SPHKAP: variants seen among roughly 807,000 people sequenced by gnomAD.
SPHKAP encodes the protein A-kinase anchor protein SPHKAP.
In SPHKAP, 67 loss-of-function variants were observed where a neutral mutation model predicts 137.5. That is an observed-to-expected ratio of 0.49 (90% confidence interval 0.40 to 0.60). SPHKAP has a LOEUF of 0.60. Ranked by LOEUF, SPHKAP falls within the 20% of genes least tolerant of loss-of-function variation. The pLI, the probability that SPHKAP is intolerant of heterozygous loss-of-function variation, is 0.00. For missense variants in SPHKAP, 2,097 were observed against 2,069.3 expected (o/e 1.01, Z -0.26); for synonymous variants, 813 against 785.3 (o/e 1.04, Z -0.59).
intron 2 of SPHKAP, among the ~76,000 whole-genome samples, chr2:228,122,719 C>T (rs1698951851): frequency 6.6e-6 from 1 of 152,122 alleles, no homozygotes; most frequent in African/African-American, 2.4e-5. Context: ...GAAAATGAGC[C>T]CTTAATCAAA....
chr2:228,082,475 T>C (rs761495078), intron 3 of SPHKAP, among the ~76,000 whole-genome samples: 1 of 152,190 alleles, frequency 6.6e-6, no homozygotes, highest in South Asian at 2.1e-4. Context: ...TAACAGGTGA[T>C]AAGTGGGCAG....
chr2:228,152,538 G>T (rs777981598), intron 1 of SPHKAP, among the ~76,000 whole-genome samples: 4 of 151,640 alleles, frequency 2.6e-5, no homozygotes. Context: ...TTAAAAATCC[G>T]GTTGATAATC....
chr2:228,109,458 A>G (rs984558412), intron 2 of SPHKAP: 1 of 783,004 alleles, frequency 1.3e-6, no homozygotes, highest in Non-Finnish European at 1.5e-6. Context: ...GTTAGAAATA[A>G]CTTATAAACA....
chr2:228,024,937 T>C (rs776826914), intron 5 of SPHKAP, among the ~76,000 whole-genome samples: 4 of 152,300 alleles, frequency 2.6e-5, no homozygotes, highest in African/African-American at 9.6e-5. Flanking sequence ...CAAGACACTC[T>C]CTTTCCATCC....
At chr2:228,078,380 CTTTTTTTTT>C (rs11322966) in intron 3 of SPHKAP, among the ~76,000 whole-genome samples, 1 of 128,198 alleles carries the variant, frequency 7.8e-6, no homozygotes, top group African/African-American at 2.9e-5. Context: ...TGTTGGCAGA[CTTTTTTTTT>C]TTTTTTTTTT....
chr2:228,136,142 T>A (rs1243839894), intron 1 of SPHKAP, among the ~76,000 whole-genome samples: 2 of 152,194 alleles, frequency 1.3e-5, no homozygotes, highest in African/African-American at 2.4e-5. Flanking sequence ...GAGCTGAAAT[T>A]GACATTAAAA....
chr2:228,024,792 TTAAA>T (rs553812007), intron 5 of SPHKAP, among the ~76,000 whole-genome samples: 20 of 152,318 alleles, frequency 1.3e-4, no homozygotes, highest in South Asian at 8.3e-4. Context: ...TTACATATCT[TTAAA>T]TAAATAATGT....
intron 1 of SPHKAP, among the ~76,000 whole-genome samples, chr2:228,156,596 T>C (rs1350858062): frequency 6.6e-6 from 1 of 152,204 alleles, no homozygotes; most frequent in African/African-American, 2.4e-5. Context: ...TGTTCATTCT[T>C]TTATTCTTTC....
At chr2:227,989,354 T>A (rs917667142) in intron 11 of SPHKAP, among the ~76,000 whole-genome samples, 2 of 152,092 alleles carry the variant, frequency 1.3e-5, no homozygotes, top group African/African-American at 4.8e-5. Context: ...TCTGTTCTGT[T>A]TTTTCACAGG....
chr2:228,059,848 T>C (rs1025500815), intron 3 of SPHKAP, among the ~76,000 whole-genome samples: 2 of 152,254 alleles, frequency 1.3e-5, no homozygotes, highest in African/African-American at 2.4e-5. Flanking sequence ...CCATCTGTGT[T>C]GATTATTATA....
intron 2 of SPHKAP, among the ~76,000 whole-genome samples, chr2:228,114,041 T>A (rs1698621044): frequency 6.6e-6 from 1 of 152,158 alleles, no homozygotes; most frequent in African/African-American, 2.4e-5. Flanking sequence ...TTTGAAGCTT[T>A]ATGAATATAT....
intron 3 of SPHKAP, among the ~76,000 whole-genome samples, chr2:228,099,306 G>C (rs745403973): frequency 2.0e-5 from 3 of 152,106 alleles, no homozygotes; most frequent in Non-Finnish European, 4.4e-5. Context: ...CTCATTGCTT[G>C]TTGTTTTTGT....
chr2:228,118,199 C>A (rs556786292), intron 2 of SPHKAP, among the ~76,000 whole-genome samples: 1 of 126,816 alleles, frequency 7.9e-6, no homozygotes, highest in African/African-American at 3.0e-5. Context: ...CACTTGTTTT[C>A]TTTTATTGCT....
chr2:228,109,007 CTTT>C, intron 2 of SPHKAP, 68 bp from the exon 3 acceptor site: 4 of 719,242 alleles, frequency 5.6e-6, no homozygotes, highest in Non-Finnish European at 8.0e-6. Context: ...AGCTCTCTCT[CTTT>C]TTTTTTTTTC....
chr2:228,018,371 G>A lies in SPHKAP; in HGVS notation c.2483C>T (p.Thr828Ile). 1.2e-6 allele frequency: 2 copies of A among 1,614,216 alleles called. No homozygotes were observed. Among genetic ancestry groups the A allele is most frequent in the Non-Finnish European group, 1.7e-6 (2 of 1,180,026 alleles). Residue 828 changes from threonine (T) to isoleucine (I), a missense_variant, in exon 7 of 12, where the codon ACA becomes ATA. Transcript: ENST00000392056. The part of the protein sequence containing the change: ...HRVPDSSTAT[T>I]SSKEIYLKGI... ...TTTCAGATATATTTCCTTGGAGGAT[G>A]TTGTAGCAGTTGAAGAATCGGGCAC...
intron 3 of SPHKAP, among the ~76,000 whole-genome samples, chr2:228,098,766 A>T (rs1396362691): frequency 6.6e-6 from 1 of 151,974 alleles, no homozygotes; most frequent in Non-Finnish European, 1.5e-5. Flanking sequence ...GTATAAAAAA[A>T]AAAAAAAAAA....
At position 228,018,667 on chromosome 2, in the gene SPHKAP, C is replaced by T. The variant is rs769636953; in HGVS notation, c.2187G>A (p.Arg729=). 3 of 1,614,042 alleles carry T rather than the reference C, an allele frequency of 1.9e-6. No homozygotes were observed. Among genetic ancestry groups the T allele is most frequent in the African/African-American group, 1.3e-5 (1 of 74,916 alleles). Residue 729 remains arginine, a synonymous_variant, in exon 7 of 12, where the codon CGG becomes CGA. Transcript: ENST00000392056. ...AAAGGACAGCAGGACATTCACCAAGCCGTACAATATGACTCATCTTCTTGA... is the reference window on the plus strand; with the variant it reads ...AAAGGACAGCAGGACATTCACCAAGTCGTACAATATGACTCATCTTCTTGA... The part of the protein sequence containing the change: ...FTFKKMSHIV[R]LGECPAVLSK...
At chr2:228,180,288 A>C (rs1294299099) in intron 1 of SPHKAP, among the ~76,000 whole-genome samples, 1 of 152,114 alleles carries the variant, frequency 6.6e-6, no homozygotes, top group Non-Finnish European at 1.5e-5. Flanking sequence ...GGAGCTGAGA[A>C]AGCGTTATTT....
rs141887034 is a variant in SPHKAP at position 227,987,509 on chromosome 2, A to G, written c.4959+3491T>C. Among the ~76,000 whole-genome samples the G allele has an allele frequency of 3.3e-3, 504 of 152,328 alleles. 3 individuals are homozygous for G. The highest frequency in any genetic ancestry group is 0.012 in the African/African-American group (489 of 41,572). ...GGCATTTGTAGATGCTTAAGACCTG[A>G]TGAATGTTCTGAATGTACGATTTTC... On this transcript the variant is annotated intron_variant, in intron 11 of 11. Coordinates refer to ENST00000392056, the MANE Select transcript of SPHKAP (RefSeq NM_001142644.2).
Sources: allele counts gnomAD v4.1 joint callset (sites outside exome capture counted in the v4.1 genomes callset), GRCh38; gene constraint gnomAD v4.1.1; transcripts MANE v1.5; gene names NCBI Gene and HGNC (gene_info 2026-07-23, HGNC 2026-07-21).